OSBPL9: variants seen among roughly 807,000 people sequenced by gnomAD.
The protein encoded by OSBPL9 is oxysterol binding protein like 9, also known as oxysterol-binding protein-related protein 9.
A neutral mutation model predicts 106.6 loss-of-function variants in OSBPL9; 40 were observed. That is an observed-to-expected ratio of 0.38 (90% CI 0.29 to 0.49). The LOEUF is 0.49. Among genes scored for constraint, OSBPL9 ranks in the 20% least tolerant of loss-of-function variants. The probability of loss-of-function intolerance (pLI) is 0.97; values close to 1 mark genes in which losing one functional copy is unlikely to be tolerated. For synonymous variants in OSBPL9, 269 were observed against 295.4 expected (o/e 0.91, Z 0.92); for missense variants, 609 against 887.2 (o/e 0.69, Z 3.98).
intron 2 of OSBPL9, chr1:51,598,308 G>A (rs542815883): frequency 6.6e-6 from 1 of 152,406 alleles, no homozygotes; most frequent in Non-Finnish European, 1.5e-5. Context: ...CAAGGCAGAG[G>A]GAGATAAAGA....
chr1:51,650,985 A>C (rs115817003), intron 1 of OSBPL9, among the ~76,000 whole-genome samples: 2,040 of 152,368 alleles, frequency 0.013, 14 homozygotes, highest in Non-Finnish European at 0.023. Context: ...GTTCTGAGGC[A>C]TAAGTCAGAT....
At chr1:51,663,740 A>G (rs944215305) in intron 2 of OSBPL9, among the ~76,000 whole-genome samples, 1 of 152,240 alleles carries the variant, frequency 6.6e-6, no homozygotes, top group African/African-American at 2.4e-5. Flanking sequence ...TACTTGCTTA[A>G]TTTATAACCA....
intron 2 of OSBPL9, among the ~76,000 whole-genome samples, chr1:51,661,420 A>C (rs77765695): frequency 6.6e-6 from 1 of 151,308 alleles, no homozygotes; most frequent in Admixed American, 6.6e-5. Context: ...GTGTGTATAG[A>C]AAAAAAACGA....
chr1:51,582,110 A>G (rs1645224058), intron 1 of OSBPL9, among the ~76,000 whole-genome samples: 1 of 152,240 alleles, frequency 6.6e-6, no homozygotes, highest in Non-Finnish European at 1.5e-5. Context: ...ATTTATTCAG[A>G]TAACATTTAT....
intron 1 of OSBPL9, among the ~76,000 whole-genome samples, chr1:51,589,238 G>A (rs113783653): frequency 0.011 from 1,649 of 152,100 alleles, 21 homozygotes; most frequent in African/African-American, 0.038. Flanking sequence ...ACAGGTGCAC[G>A]CCACCATGCA....
intron 3 of OSBPL9, among the ~76,000 whole-genome samples, chr1:51,673,662 A>C (rs1006134815): frequency 6.6e-6 from 1 of 152,162 alleles, no homozygotes; most frequent in African/African-American, 2.4e-5. Context: ...TAAATAGATT[A>C]AAGCAGTGAT....
At chr1:51,595,146 C>T (rs1195629236) in intron 1 of OSBPL9, among the ~76,000 whole-genome samples, 3 of 152,068 alleles carry the variant, frequency 2.0e-5, no homozygotes, top group African/African-American at 4.8e-5. Flanking sequence ...AATCCCAGGG[C>T]ACCACCGCTG....
chr1:51,711,057 A>G (rs1337912671), intron 3 of OSBPL9, among the ~76,000 whole-genome samples: 2 of 152,044 alleles, frequency 1.3e-5, no homozygotes, highest in African/African-American at 4.8e-5. Flanking sequence ...CCAAGGCAGA[A>G]GAATTTTTCT....
the OSBPL9 span, among the ~76,000 whole-genome samples, chr1:51,558,793 C>T: frequency 3.9e-3 from 588 of 152,210 alleles, 3 homozygotes; most frequent in African/African-American, 0.013. Context: ...TTCTCAGTGC[C>T]CCGGCTTTTC....
chr1:51,618,367 T>C (rs1415113889), intron 1 of OSBPL9, among the ~76,000 whole-genome samples: 3 of 152,096 alleles, frequency 2.0e-5, no homozygotes, highest in South Asian at 2.1e-4. Flanking sequence ...GCATTCGATA[T>C]GGAGAGTAGG....
At chr1:51,655,855 G>C (rs575703480) in intron 2 of OSBPL9, among the ~76,000 whole-genome samples, 8 of 152,334 alleles carry the variant, frequency 5.3e-5, no homozygotes, top group African/African-American at 1.9e-4. Flanking sequence ...CTGGCACATA[G>C]ATGGAACTTA....
rs1256050010 is a variant in OSBPL9 at position 51,788,522 on chromosome 1, AACCTTGAAT to A, written c.*736_*744del. The A allele has an allele frequency of 1.3e-5, 2 of 152,528 alleles. No homozygotes were observed. The highest frequency in any genetic ancestry group is 4.8e-5 in the African/African-American group (2 of 41,434). 9.4% of individuals were successfully genotyped at this position (152,528 alleles called of 1,614,324 possible). A position where few individuals can be genotyped will look rare whatever the true frequency, so the allele number is the denominator to read the frequency against. On this transcript the variant is annotated 3_prime_UTR_variant, in exon 24 of 24. Coordinates refer to ENST00000428468, the MANE Select transcript of OSBPL9 (RefSeq NM_024586.6). ...TAAACTTGGAAGCCAATTATTTGGC[AACCTTGAAT>A]ACAAGAGCTAGCTTTTCAAAGAAAG... is the stretch of plus-strand genomic sequence containing the variant.
intron 4 of OSBPL9, among the ~76,000 whole-genome samples, chr1:51,724,531 A>T (rs994571418): frequency 3.3e-5 from 5 of 152,032 alleles, no homozygotes; most frequent in Non-Finnish European, 7.4e-5. Context: ...TGATTCGCAC[A>T]TCTCGGCCTC....
At chr1:51,658,326 A>G (rs1423719302) in intron 2 of OSBPL9, among the ~76,000 whole-genome samples, 2 of 152,176 alleles carry the variant, frequency 1.3e-5, no homozygotes, top group Non-Finnish European at 2.9e-5. Context: ...AAAAGTACTC[A>G]AACACGGTGT....
the OSBPL9 span, among the ~76,000 whole-genome samples, chr1:51,529,502 C>T: frequency 3.3e-5 from 5 of 151,922 alleles, no homozygotes; most frequent in African/African-American, 4.8e-5. Flanking sequence ...CTTGGCCTCC[C>T]GAAGTGCTGG....
the OSBPL9 span, among the ~76,000 whole-genome samples, chr1:51,527,197 C>A: frequency 6.6e-6 from 1 of 152,134 alleles, no homozygotes; most frequent in African/African-American, 2.4e-5. Flanking sequence ...AACTCTTTGA[C>A]CCTCAGTTTC....
At chr1:51,745,777 TG>T in intron 5 of OSBPL9, 146 bp downstream of exon 5, 1 of 1,028,636 alleles carries the variant, frequency 9.7e-7, no homozygotes, top group South Asian at 2.7e-5. Flanking sequence ...AAGATCTAGC[TG>T]ACTTATTCAA....
At chr1:51,667,667 A>G (rs530295416) in intron 2 of OSBPL9, among the ~76,000 whole-genome samples, 2 of 152,208 alleles carry the variant, frequency 1.3e-5, no homozygotes, top group Admixed American at 6.5e-5. Flanking sequence ...ATGGCTCAGG[A>G]AATATTTGAT....
chr1:51,729,701 C>T lies in OSBPL9; in HGVS notation c.318+15622C>T. On this transcript the variant is annotated intron_variant, in intron 4 of 23. Transcript: ENST00000428468. This position sits in a 1 kb window ranked among gnomAD's most constrained non-coding sequence, Gnocchi z 5.1. ...CCGCCAATCGTCTGCCTCTCACCTCCTACAGCAGGTGACCCATGGCCAATC... is the reference window on the plus strand; with the variant it reads ...CCGCCAATCGTCTGCCTCTCACCTCTTACAGCAGGTGACCCATGGCCAATC... 1 of 644,616 alleles carries T rather than the reference C, an allele frequency of 1.6e-6. No homozygotes were observed. The highest frequency in any genetic ancestry group is 2.2e-6 in the Non-Finnish European group (1 of 458,420). The allele number at this position is 644,616 out of a possible 1,614,324, so 39.9% of individuals were successfully genotyped here. A position where few individuals can be genotyped will look rare whatever the true frequency, so the allele number is the denominator to read the frequency against.
Sources: gnomAD v4.1 joint callset for allele counts (sites outside exome capture counted in the v4.1 genomes callset) on GRCh38, gnomAD v4.1.1 for gene constraint, Gnocchi (gnomAD v3.1) non-coding constraint, MANE v1.5 for transcripts, NCBI Gene and HGNC (gene_info 2026-07-23, HGNC 2026-07-21) for gene names.